Variants in TTC17 observed in about 807,000 individuals in gnomAD.
The protein encoded by TTC17 is tetratricopeptide repeat domain 17.
TTC17 carries 58 observed loss-of-function variants against 143.8 expected under a neutral mutation model. The observed-to-expected ratio is 0.40, with a 90% confidence interval of 0.33 to 0.50. The LOEUF (loss-of-function observed/expected upper bound fraction) is 0.50, where lower values mean the gene tolerates loss of function less well. Ranked by LOEUF, TTC17 falls within the 20% of genes least tolerant of loss-of-function variation. TTC17 has a pLI of 0.49. For missense variants in TTC17, 1,273 were observed against 1,392.5 expected, an observed-to-expected ratio of 0.91 and a Z score of 1.37; for synonymous variants, 501 against 497.8, an observed-to-expected ratio of 1.01 and a Z score of -0.09.
At chr11:43,484,625 A>G (rs982838338) in intron 21 of TTC17, among the ~76,000 whole-genome samples, 4 of 152,204 alleles carry the variant, frequency 2.6e-5, no homozygotes, top group South Asian at 4.1e-4. Flanking sequence ...AAGGTAAATC[A>G]TGAAGAATAG....
chr11:43,466,739 C>T, intron 21 of TTC17: 1 of 315,230 alleles, frequency 3.2e-6, no homozygotes. Context: ...CTGCCATGGC[C>T]AAATGGTGGG....
At chr11:43,425,986 C>T (rs568543240) in intron 16 of TTC17, among the ~76,000 whole-genome samples, 74 of 152,280 alleles carry the variant, frequency 4.9e-4, no homozygotes, top group African/African-American at 1.6e-3. Context: ...AGTCAGGTCA[C>T]AAATATACAG....
At chr11:43,453,336 C>T (rs187482538) in intron 21 of TTC17, among the ~76,000 whole-genome samples, 1 of 151,438 alleles carries the variant, frequency 6.6e-6, no homozygotes, top group East Asian at 1.9e-4. Flanking sequence ...GAACAGTCAA[C>T]AGCAGTGCTT....
intron 20 of TTC17, 130 bp from the exon 21 acceptor site, chr11:43,451,052 A>G: frequency 1.3e-6 from 1 of 752,558 alleles, no homozygotes; most frequent in Non-Finnish European, 2.1e-6. Flanking sequence ...TACCTTACCA[A>G]TAGGACCACA....
At chr11:43,480,676 ATATT>A (rs1489967440) in intron 21 of TTC17, among the ~76,000 whole-genome samples, 1 of 152,200 alleles carries the variant, frequency 6.6e-6, no homozygotes, top group Non-Finnish European at 1.5e-5. Flanking sequence ...AGTAGAACGT[ATATT>A]TAAGAGTGGG....
chr11:43,439,671 A>G (rs1590423254), intron 16 of TTC17, among the ~76,000 whole-genome samples: 1 of 152,042 alleles, frequency 6.6e-6, no homozygotes, highest in East Asian at 1.9e-4. Flanking sequence ...GGGTTTCACC[A>G]TGTTGGCCAG....
intron 21 of TTC17, among the ~76,000 whole-genome samples, chr11:43,455,059 C>A (rs1947737037): frequency 6.6e-6 from 1 of 151,240 alleles, no homozygotes; most frequent in South Asian, 2.1e-4. Flanking sequence ...ATAAAAGTAG[C>A]ATTTTCTGGC....
chr11:43,428,603 C>T (rs943536762), intron 16 of TTC17, among the ~76,000 whole-genome samples: 1 of 152,206 alleles, frequency 6.6e-6, no homozygotes, highest in African/African-American at 2.4e-5. Context: ...ATAGCCAGTT[C>T]TCCTTTCTCT....
rs1311017824 is a variant in TTC17 at position 43,444,193 on chromosome 11, A to G, written c.2649A>G (p.Ala883=). ...ANLEITGPKV[A]SPGPQGKKRD... ...TAGAGATCACTGGCCCCAAGGTGGC[A>G]TCTCCTGGGCCACAAGGTAAATTTG... Residue 883 remains alanine, a synonymous_variant, in exon 18 of 24, where the codon GCA becomes GCG. Transcript: ENST00000039989. 4 of 1,610,048 alleles carry G rather than the reference A, an allele frequency of 2.5e-6. No homozygotes were observed. Among genetic ancestry groups the G allele is most frequent in the East Asian group, 2.2e-5 (1 of 44,784 alleles).
At chr11:43,365,097 C>T (rs891707276) in intron 1 of TTC17, among the ~76,000 whole-genome samples, 5 of 151,520 alleles carry the variant, frequency 3.3e-5, no homozygotes, top group African/African-American at 9.7e-5. Context: ...CCACCACGCC[C>T]GGCCATAATG....
intron 2 of TTC17, among the ~76,000 whole-genome samples, chr11:43,386,777 G>GTATT (rs57435828): frequency 0.082 from 12,476 of 152,018 alleles, 844 homozygotes; most frequent in Admixed American, 0.22. Flanking sequence ...ACGTATGTAT[G>GTATT]TATTTATTTA....
chr11:43,371,560 G>A lies in TTC17; in HGVS notation c.160-7673G>A, dbSNP rs555816631. ...GGAACTTCCACATGTTTGGCTCTCCGGAATCTCCTGAACCCAGTCCTTTTG... is the reference window on the plus strand; with the variant it reads ...GGAACTTCCACATGTTTGGCTCTCCAGAATCTCCTGAACCCAGTCCTTTTG... On this transcript the variant is annotated intron_variant, in intron 1 of 23. Transcript: ENST00000039989. 1.8e-4 allele frequency among the ~76,000 whole-genome samples: 28 copies of A among 152,342 alleles called. 1 individual carries two copies. In the East Asian group the frequency reaches 3.7e-3, roughly 20 times the overall value.
chr11:43,474,876 T>C (rs1948156507), intron 21 of TTC17, among the ~76,000 whole-genome samples: 1 of 152,158 alleles, frequency 6.6e-6, no homozygotes, highest in African/African-American at 2.4e-5. Flanking sequence ...AGAGAAAATA[T>C]ATTTACTGTT....
chr11:43,456,313 C>A (rs1564971050), intron 21 of TTC17, among the ~76,000 whole-genome samples: 1 of 152,008 alleles, frequency 6.6e-6, no homozygotes. Flanking sequence ...TACTACTACT[C>A]AACATGAGTT....
chr11:43,394,843 C>G (rs1340498869), intron 5 of TTC17, among the ~76,000 whole-genome samples: 1 of 151,952 alleles, frequency 6.6e-6, no homozygotes, highest in Non-Finnish European at 1.5e-5. Flanking sequence ...ATGTAGTTAT[C>G]AAGCAGAGGG....
At chr11:43,490,865 A>AC (rs1444485945) in intron 22 of TTC17, 13 of 150,524 alleles carry the variant, frequency 8.6e-5, no homozygotes, top group Non-Finnish European at 1.9e-4. Flanking sequence ...AAAAAAAAAA[A>AC]AAAAAAAAAA....
Position 43,493,917 on chromosome 11 carries a change from TTCTC to T in TTC17, c.*17_*20del, listed in dbSNP as rs768704002. 12 of 1,561,102 alleles carry T rather than the reference TTCTC, an allele frequency of 7.7e-6. No individual in the cohort carries two copies. In the East Asian group the frequency reaches 2.5e-4, roughly 32 times the overall value. Reference sequence around the variant, plus strand: ...GCGCTCTCCTTAGTGCACTTCTTCCTTCTCTCTTTCTCTTTACTCATGCTCTAAA... The same window carrying T: ...GCGCTCTCCTTAGTGCACTTCTTCCTTCTTTCTCTTTACTCATGCTCTAAA... On this transcript the variant is annotated 3_prime_UTR_variant, in exon 24 of 24. Transcript: ENST00000039989.
At chr11:43,493,407 A>T (rs974049672) in intron 23 of TTC17, among the ~76,000 whole-genome samples, 1 of 152,188 alleles carries the variant, frequency 6.6e-6, no homozygotes, top group African/African-American at 2.4e-5. Context: ...ATTAAATGGA[A>T]GGATTTCATA....
At chr11:43,453,532 G>C (rs2134763367) in intron 21 of TTC17, among the ~76,000 whole-genome samples, 1 of 152,268 alleles carries the variant, frequency 6.6e-6, no homozygotes, top group Admixed American at 6.5e-5. Context: ...TCAATATAGA[G>C]TCCACAGACA....
Sources: allele counts gnomAD v4.1 joint callset (sites outside exome capture counted in the v4.1 genomes callset), GRCh38; gene constraint gnomAD v4.1.1; transcripts MANE v1.5; gene names NCBI Gene and HGNC (gene_info 2026-07-23, HGNC 2026-07-21).